Variants in ARSB observed in about 807,000 individuals in gnomAD.
ARSB encodes the protein N-acetylgalactosamine-4-sulfatase.
ARSB carries 41 observed loss-of-function variants against 50.9 expected under a neutral mutation model. That is an observed-to-expected ratio of 0.81 (90% CI 0.63 to 1.04). The LOEUF is 1.04. ARSB is among the 50% of genes least tolerant of loss of function. The pLI, the probability that ARSB is intolerant of heterozygous loss-of-function variation, is 0.00. For missense variants in ARSB, 672 were observed against 693.3 expected, an observed-to-expected ratio of 0.97 and a Z score of 0.35; for synonymous variants, 269 against 284.8, an observed-to-expected ratio of 0.94 and a Z score of 0.56.
chr5:78,787,225 G>T (rs1301301088), intron 6 of ARSB, among the ~76,000 whole-genome samples: 1 of 152,092 alleles, frequency 6.6e-6, no homozygotes, highest in African/African-American at 2.4e-5. Context: ...GGGATTACAG[G>T]TGTGAGCCAC....
At chr5:78,788,424 C>T (rs997670516) in intron 6 of ARSB, among the ~76,000 whole-genome samples, 3 of 152,046 alleles carry the variant, frequency 2.0e-5, no homozygotes, top group African/African-American at 7.2e-5. Flanking sequence ...ACTGTGTTCT[C>T]CAGACCCAAA....
intron 6 of ARSB, among the ~76,000 whole-genome samples, chr5:78,833,542 T>C (rs1471703248): frequency 6.6e-6 from 1 of 152,134 alleles, no homozygotes; most frequent in African/African-American, 2.4e-5. Flanking sequence ...ACACAGGTCA[T>C]GAAGCTGGGA....
At chr5:78,808,728 G>C (rs1263259001) in intron 6 of ARSB, among the ~76,000 whole-genome samples, 2 of 152,186 alleles carry the variant, frequency 1.3e-5, no homozygotes, top group African/African-American at 4.8e-5. Context: ...AAGGCCACAA[G>C]GGACCCATCT....
intron 6 of ARSB, among the ~76,000 whole-genome samples, chr5:78,798,905 C>A (rs1412792553): frequency 1.3e-5 from 2 of 152,204 alleles, no homozygotes. Flanking sequence ...AGGCATGTTA[C>A]ACAAACCCTG....
At chr5:78,982,484 T>C (rs1238950924) in intron 1 of ARSB, among the ~76,000 whole-genome samples, 1 of 152,216 alleles carries the variant, frequency 6.6e-6, no homozygotes, top group Admixed American at 6.5e-5. Flanking sequence ...GATGTTATTT[T>C]TAATAATTTT....
chr5:78,957,956 G>A (rs982085908), intron 3 of ARSB, among the ~76,000 whole-genome samples: 9 of 102,852 alleles, frequency 8.8e-5, no homozygotes, highest in Non-Finnish European at 1.3e-4. Context: ...TGCAGCCCAC[G>A]TAAAGTTTTA....
At chr5:78,967,181 C>T (rs1752244281) in intron 2 of ARSB, among the ~76,000 whole-genome samples, 1 of 152,168 alleles carries the variant, frequency 6.6e-6, no homozygotes, top group Non-Finnish European at 1.5e-5. Context: ...TACAAGAAAA[C>T]CACCTAACGT....
At chr5:78,874,749 G>A (rs912103944) in intron 5 of ARSB, among the ~76,000 whole-genome samples, 8 of 152,040 alleles carry the variant, frequency 5.3e-5, no homozygotes, top group Admixed American at 1.3e-4. Flanking sequence ...TACAGAATAC[G>A]CATTCTTTTC....
At chr5:78,906,331 T>C (rs1290056212) in intron 4 of ARSB, among the ~76,000 whole-genome samples, 4 of 152,034 alleles carry the variant, frequency 2.6e-5, no homozygotes, top group Non-Finnish European at 5.9e-5. Context: ...AGACTCAATC[T>C]CAAAAAATTA....
chr5:78,909,360 T>C (rs1161946693), intron 4 of ARSB, among the ~76,000 whole-genome samples: 1 of 152,230 alleles, frequency 6.6e-6, no homozygotes, highest in African/African-American at 2.4e-5. Flanking sequence ...GTCTGTGTTC[T>C]TAAGTTGTAG....
At chr5:78,841,947 T>C (rs1745234283) in intron 5 of ARSB, among the ~76,000 whole-genome samples, 1 of 152,148 alleles carries the variant, frequency 6.6e-6, no homozygotes, top group African/African-American at 2.4e-5. Context: ...GTTAGAGATA[T>C]GGGCCAAGAA....
chr5:78,794,835 G>A (rs1193578357), intron 6 of ARSB, among the ~76,000 whole-genome samples: 1 of 152,188 alleles, frequency 6.6e-6, no homozygotes, highest in Admixed American at 6.5e-5. Flanking sequence ...AACATGTGCT[G>A]TTCTGTTTTC....
intron 4 of ARSB, among the ~76,000 whole-genome samples, chr5:78,892,708 A>G (rs1045628601): frequency 2.0e-5 from 3 of 152,216 alleles, no homozygotes; most frequent in South Asian, 2.1e-4. Context: ...AAAAAACACT[A>G]TAACAATAGC....
intron 6 of ARSB, among the ~76,000 whole-genome samples, chr5:78,804,332 C>T (rs1301494621): frequency 6.6e-5 from 10 of 152,086 alleles, no homozygotes; most frequent in African/African-American, 2.2e-4. Flanking sequence ...CCTTTCCTTG[C>T]CACCCCATCC....
At chr5:78,983,621 C>T (rs1208481624) in intron 1 of ARSB, among the ~76,000 whole-genome samples, 3 of 152,162 alleles carry the variant, frequency 2.0e-5, no homozygotes, top group Non-Finnish European at 2.9e-5. Flanking sequence ...AAGGTCAGAA[C>T]CGCCAAAAGT....
Position 78,955,448 on chromosome 5 carries a change from C to A in ARSB, c.745G>T (p.Glu249Ter). ...QSVHEPLQVP[E>*]EYLKPYDFIQ... Reference sequence around the variant, plus strand: ...AAGTCATATGGCTTCAAGTATTCCTCAGGGACCTGAAGGGGCTCATGCACA... The same window carrying A: ...AAGTCATATGGCTTCAAGTATTCCTAAGGGACCTGAAGGGGCTCATGCACA... The change falls in exon 4 of 8, where the codon GAG becomes TAG. Residue 249 changes from glutamate to a stop codon, truncating the protein, a stop_gained. Transcript: ENST00000264914. LOFTEE classifies it high-confidence loss of function. 6.2e-7 allele frequency: 1 copy of A among 1,614,198 alleles called. No homozygotes were observed. Among genetic ancestry groups the A allele is most frequent in the Non-Finnish European group, 8.5e-7 (1 of 1,180,036 alleles).
At chr5:78,975,044 C>T (rs1248151950) in intron 1 of ARSB, among the ~76,000 whole-genome samples, 3 of 152,176 alleles carry the variant, frequency 2.0e-5, no homozygotes, top group African/African-American at 4.8e-5. Context: ...GCCAGGGGAT[C>T]CTAGGAGCGC....
At chr5:78,787,306 C>T (rs184609923) in intron 6 of ARSB, among the ~76,000 whole-genome samples, 4 of 152,252 alleles carry the variant, frequency 2.6e-5, no homozygotes, top group African/African-American at 9.6e-5. Context: ...TTAGTAGTAA[C>T]CTTAGAAATC....
At chr5:78,858,187 G>T (rs917932930) in intron 5 of ARSB, among the ~76,000 whole-genome samples, 2 of 152,018 alleles carry the variant, frequency 1.3e-5, no homozygotes, top group Non-Finnish European at 2.9e-5. Context: ...CCATTCATTT[G>T]GTTTATTTTT....
Sources: gnomAD v4.1 joint callset for allele counts (sites outside exome capture counted in the v4.1 genomes callset) on GRCh38, gnomAD v4.1.1 for gene constraint, MANE v1.5 for transcripts, NCBI Gene and HGNC (gene_info 2026-07-23, HGNC 2026-07-21) for gene names.